FAM149B1: variants seen among roughly 807,000 people sequenced by gnomAD.
The protein encoded by FAM149B1 is primary cilium assembly protein FAM149B1.
Under a neutral mutation model 75.3 loss-of-function variants are expected in FAM149B1, and 56 were observed. The observed-to-expected ratio is 0.74, with a 90% CI of 0.60 to 0.93. FAM149B1 has a LOEUF of 0.93. Ranked by LOEUF, FAM149B1 falls within the 40% of genes least tolerant of loss-of-function variation. The probability of loss-of-function intolerance (pLI) is 0.00; values close to 1 mark genes in which losing one functional copy is unlikely to be tolerated. For synonymous variants in FAM149B1, 259 were observed against 256.1 expected (o/e 1.01, Z -0.11); for missense variants, 639 against 708.4 (o/e 0.90, Z 1.11).
chr10:73,197,959 C>T (rs933062947), intron 5 of FAM149B1, among the ~76,000 whole-genome samples: 5 of 152,130 alleles, frequency 3.3e-5, no homozygotes, highest in African/African-American at 9.7e-5. Flanking sequence ...AAATAACTAA[C>T]TATAATATCT....
Position 73,235,267 on chromosome 10 carries a change from G to C in FAM149B1, c.1551G>C (p.Arg517Ser). 1.3e-6 allele frequency: 2 copies of C among 1,552,072 alleles called. No homozygotes were observed. Among genetic ancestry groups the C allele is most frequent in the South Asian group, 1.2e-5 (1 of 84,052 alleles). The change falls in exon 12 of 14, where the codon AGG (arginine) becomes AGC (serine). Residue 517 changes from arginine to serine, a missense_variant. By Grantham distance (110) the Arg-to-Ser change is moderately radical. Transcript: ENST00000242505. ...DEPNYQQPQE[R>S]LLLPDFFPRP... is the part of the protein sequence containing the mutation. ...CTAACTATCAGCAGCCACAAGAAAGGCTCCTTTTGCCCGACTTTTTCCCCA... is the reference window on the plus strand; with the variant it reads ...CTAACTATCAGCAGCCACAAGAAAGCCTCCTTTTGCCCGACTTTTTCCCCA...
chr10:73,204,808 C>T (rs1220440056), intron 5 of FAM149B1, among the ~76,000 whole-genome samples: 5 of 121,666 alleles, frequency 4.1e-5, no homozygotes, highest in East Asian at 2.4e-4. Flanking sequence ...GACGGAGTCT[C>T]GCTCTGACGC....
intron 9 of FAM149B1, chr10:73,230,990 T>C (rs760633903): frequency 3.9e-5 from 6 of 153,810 alleles, no homozygotes; most frequent in Non-Finnish European, 8.7e-5. Context: ...GAACGGAAAA[T>C]AGGTCAGAAC....
In FAM149B1 at chr10:73,172,890, G is replaced by C. The variant is rs961800991; in HGVS notation, c.48-1797G>C. ...AGGCTGAGGTAGGAGGATCATTTGA[G>C]GCCAGGAGTTAGAGACAGCCTGAGC... On this transcript the variant is annotated intron_variant, in intron 1 of 13. Coordinates refer to ENST00000242505, the MANE Select transcript of FAM149B1 (RefSeq NM_173348.2). Among the ~76,000 whole-genome samples the C allele has an allele frequency of 4.0e-5, 6 of 151,810 alleles. No homozygotes were observed. The East Asian group carries it at 9.7e-4, about 24-fold the overall frequency.
intron 13 of FAM149B1, 64 bp from the exon 14 acceptor site, chr10:73,240,882 A>G (rs2043934497): frequency 5.1e-6 from 5 of 980,556 alleles, no homozygotes; most frequent in Admixed American, 4.0e-5. Flanking sequence ...GCCCTTAGCT[A>G]TAAACTTGAG....
intron 8 of FAM149B1, chr10:73,230,151 T>G (rs1294595098): frequency 6.1e-6 from 2 of 325,396 alleles, no homozygotes; most frequent in African/African-American, 4.2e-5. Flanking sequence ...AGGTCCTCAC[T>G]CCCTGTAAGA....
intron 7 of FAM149B1, among the ~76,000 whole-genome samples, chr10:73,215,586 G>A (rs548477873): frequency 2.0e-5 from 3 of 152,084 alleles, no homozygotes; most frequent in Non-Finnish European, 4.4e-5. Context: ...TGCTTTTGCT[G>A]TATCCTACAG....
chr10:73,219,037 G>A (rs2043353225), intron 7 of FAM149B1, among the ~76,000 whole-genome samples: 1 of 152,072 alleles, frequency 6.6e-6, no homozygotes, highest in Admixed American at 6.6e-5. Flanking sequence ...ACATGTTCCA[G>A]GTCTAGATTT....
intron 7 of FAM149B1, among the ~76,000 whole-genome samples, chr10:73,221,286 T>TA (rs1451503447): frequency 6.6e-6 from 1 of 152,214 alleles, no homozygotes; most frequent in African/African-American, 2.4e-5. Context: ...ATCTTATTTT[T>TA]AAAAAAATTT....
chr10:73,228,609 ATTT>A (rs113150483), intron 8 of FAM149B1, among the ~76,000 whole-genome samples: 1 of 149,634 alleles, frequency 6.7e-6, no homozygotes, highest in Non-Finnish European at 1.5e-5. Context: ...TTATTTTTTC[ATTT>A]TTTTTGAGAC....
chr10:73,230,217 T>C (rs1263914294), intron 8 of FAM149B1: 1 of 464,538 alleles, frequency 2.2e-6, no homozygotes, highest in Non-Finnish European at 3.9e-6. Flanking sequence ...TGCTGTCATT[T>C]AGGAATGGAG....
chr10:73,205,889 C>G (rs1390586290), intron 5 of FAM149B1, among the ~76,000 whole-genome samples: 1 of 152,108 alleles, frequency 6.6e-6, no homozygotes, highest in African/African-American at 2.4e-5. Context: ...TGACTTCATA[C>G]AGAACACTGG....
intron 2 of FAM149B1, among the ~76,000 whole-genome samples, chr10:73,175,339 C>G (rs960402565): frequency 3.9e-5 from 6 of 152,168 alleles, no homozygotes; most frequent in Non-Finnish European, 7.3e-5. Flanking sequence ...CACGATACTC[C>G]AGCCTGGGTG....
chr10:73,177,878 C>T lies in FAM149B1; in HGVS notation c.185C>T (p.Thr62Ile). Reference protein sequence around the residue: ...KSDITRESSFTSADTGNSLSA... With the variant: ...KSDITRESSFISADTGNSLSA... ...GACATCACAAGAGAATCATCTTTTA[C>T]ATCAGCCGACACTGGGAATTCACTG... Residue 62 changes from threonine to isoleucine, a missense_variant, in exon 3 of 14, where the codon ACA becomes ATA. Thr to Ile is a moderately conservative substitution (Grantham distance 89). Transcript: ENST00000242505. The T allele has an allele frequency of 6.4e-7, 1 of 1,551,762 alleles. No individual in the cohort carries two copies. The highest frequency in any genetic ancestry group is 1.2e-5 in the South Asian group (1 of 84,062).
chr10:73,201,675 G>A lies in FAM149B1; in HGVS notation c.543-6944G>A, dbSNP rs972389385. On this transcript the variant is annotated intron_variant, in intron 5 of 13. Transcript: ENST00000242505. ...AAAATTGATTTTTTAGAAGGCATTC[G>A]AATGCATTTTATTTGGTATTGTATT... Among the ~76,000 whole-genome samples the A allele has an allele frequency of 2.6e-5, 4 of 152,016 alleles. No homozygotes were observed. In the East Asian group the frequency reaches 5.8e-4, roughly 22 times the overall value.
chr10:73,240,521 G>T (rs1242723320), intron 13 of FAM149B1, among the ~76,000 whole-genome samples: 1 of 152,060 alleles, frequency 6.6e-6, no homozygotes, highest in African/African-American at 2.4e-5. Flanking sequence ...GACCATCCTG[G>T]CTAACATGGT....
At chr10:73,217,539 A>T (rs2043324302) in intron 7 of FAM149B1, among the ~76,000 whole-genome samples, 1 of 152,230 alleles carries the variant, frequency 6.6e-6, no homozygotes, top group Non-Finnish European at 1.5e-5. Context: ...TGGAGACTCA[A>T]CTAGAGAAGA....
At chr10:73,199,365 C>A (rs1000533333) in intron 5 of FAM149B1, among the ~76,000 whole-genome samples, 2 of 151,170 alleles carry the variant, frequency 1.3e-5, no homozygotes, top group African/African-American at 4.9e-5. Flanking sequence ...CTACAGGCGC[C>A]CACCACCACG....
At chr10:73,213,253 G>C (rs757984302) in intron 7 of FAM149B1, among the ~76,000 whole-genome samples, 10 of 152,130 alleles carry the variant, frequency 6.6e-5, no homozygotes, top group African/African-American at 1.2e-4. Flanking sequence ...TGCATAGTTT[G>C]CAAATATTTT....
Sources: gnomAD v4.1 joint callset for allele counts (sites outside exome capture counted in the v4.1 genomes callset) on GRCh38, gnomAD v4.1.1 for gene constraint, MANE v1.5 for transcripts, NCBI Gene and HGNC (gene_info 2026-07-23, HGNC 2026-07-21) for gene names.